The following SLC24A2 variants were observed in gnomAD, a reference collection of about 807,000 sequenced individuals.
SLC24A2 encodes solute carrier family 24 member 2.
Under a neutral mutation model 62.0 loss-of-function variants are expected in SLC24A2, and 36 were observed. The observed-to-expected ratio is 0.58, with a 90% CI of 0.44 to 0.77. The LOEUF is 0.77. SLC24A2 is among the 30% of genes least tolerant of loss of function. SLC24A2 has a pLI of 0.00. For missense variants in SLC24A2, 846 were observed against 817.9 expected (o/e 1.03, Z -0.42); for synonymous variants, 358 against 294.0 (o/e 1.22, Z -2.23).
the SLC24A2 span, among the ~76,000 whole-genome samples, chr9:20,133,164 C>G: frequency 1.3e-5 from 2 of 152,078 alleles, no homozygotes; most frequent in African/African-American, 4.8e-5. Context: ...TTACAGACCT[C>G]AGACTTGCTT....
the SLC24A2 span, among the ~76,000 whole-genome samples, chr9:19,901,850 C>T: frequency 6.7e-5 from 10 of 149,162 alleles, no homozygotes; most frequent in East Asian, 2.0e-4. Flanking sequence ...GTGGAACAGG[C>T]GGGGTGGGAG....
At chr9:19,523,943 C>T (rs574381877) in intron 9 of SLC24A2, among the ~76,000 whole-genome samples, 1 of 151,900 alleles carries the variant, frequency 6.6e-6, no homozygotes, top group Non-Finnish European at 1.5e-5. Flanking sequence ...TCTAGAAAGC[C>T]TTTTGTGGAA....
chr9:20,186,140 T>C, the SLC24A2 span, among the ~76,000 whole-genome samples: 25 of 152,090 alleles, frequency 1.6e-4, no homozygotes, highest in Non-Finnish European at 3.5e-4. Flanking sequence ...TGTGAGCACA[T>C]AGCGTAATAG....
chr9:19,764,314 T>A (rs965873122), intron 2 of SLC24A2, among the ~76,000 whole-genome samples: 1 of 152,210 alleles, frequency 6.6e-6, no homozygotes, highest in Non-Finnish European at 1.5e-5. Flanking sequence ...TTTATCTTCT[T>A]CAGTTCTGCT....
intron 2 of SLC24A2, among the ~76,000 whole-genome samples, chr9:19,780,809 C>T (rs866111704): frequency 1.7e-4 from 26 of 148,932 alleles, no homozygotes; most frequent in African/African-American, 6.2e-4. Flanking sequence ...GGAGGCGGAG[C>T]CTGCAGCGAG....
the SLC24A2 span, among the ~76,000 whole-genome samples, chr9:20,002,169 AT>A: frequency 6.6e-6 from 1 of 152,110 alleles, no homozygotes; most frequent in Non-Finnish European, 1.5e-5. Flanking sequence ...TCACCACAAG[AT>A]TTCAACATCG....
intron 2 of SLC24A2, among the ~76,000 whole-genome samples, chr9:19,769,449 T>C (rs1351631695): frequency 6.6e-6 from 1 of 152,242 alleles, no homozygotes; most frequent in Non-Finnish European, 1.5e-5. Flanking sequence ...GTCTCTAACA[T>C]GAGTCACAGT....
the SLC24A2 span, among the ~76,000 whole-genome samples, chr9:19,809,970 G>A: frequency 6.6e-6 from 1 of 152,076 alleles, no homozygotes; most frequent in Non-Finnish European, 1.5e-5. Context: ...AACAAACCCC[G>A]GGTATATACC....
chr9:20,025,885 G>T, the SLC24A2 span, among the ~76,000 whole-genome samples: 1 of 152,114 alleles, frequency 6.6e-6, no homozygotes, highest in East Asian at 1.9e-4. Flanking sequence ...GGTAGAAGAT[G>T]CATCACTGCT....
At chr9:20,083,408 G>C in the SLC24A2 span, among the ~76,000 whole-genome samples, 1 of 152,172 alleles carries the variant, frequency 6.6e-6, no homozygotes, top group Admixed American at 6.5e-5. Flanking sequence ...ACAGGGACCT[G>C]AAAAAAGGTG....
the SLC24A2 span, among the ~76,000 whole-genome samples, chr9:20,204,276 C>T: frequency 6.6e-6 from 1 of 152,172 alleles, no homozygotes; most frequent in Admixed American, 6.5e-5. Context: ...GAATCCACAG[C>T]ATTGCCACCT....
chr9:19,828,934 A>G, the SLC24A2 span, among the ~76,000 whole-genome samples: 46 of 152,232 alleles, frequency 3.0e-4, no homozygotes, highest in Middle Eastern at 6.8e-3. Context: ...TAACAAGTTC[A>G]GCAAATCTCC....
the SLC24A2 span, among the ~76,000 whole-genome samples, chr9:20,307,837 A>G: frequency 6.6e-6 from 1 of 152,082 alleles, no homozygotes. Flanking sequence ...GGAAGGAGGG[A>G]CCGCGGCTCT....
chr9:19,871,216 T>C, the SLC24A2 span, among the ~76,000 whole-genome samples: 1 of 152,186 alleles, frequency 6.6e-6, no homozygotes, highest in East Asian at 1.9e-4. Context: ...CTCCATTATT[T>C]CTGACAATAA....
chr9:19,619,549 C>T, intron 4 of SLC24A2, 35 bp downstream of exon 4: 1 of 1,521,490 alleles, frequency 6.6e-7, no homozygotes, highest in Non-Finnish European at 9.1e-7. Flanking sequence ...CCTTTTCCCC[C>T]CAAACAAGTT....
chr9:20,220,558 T>G, the SLC24A2 span, among the ~76,000 whole-genome samples: 1 of 152,126 alleles, frequency 6.6e-6, no homozygotes, highest in Non-Finnish European at 1.5e-5. Flanking sequence ...ACAACACATG[T>G]CCCAGGGAAG....
At chr9:19,644,570 C>T (rs943099264) in intron 2 of SLC24A2, among the ~76,000 whole-genome samples, 2 of 152,186 alleles carry the variant, frequency 1.3e-5, no homozygotes, top group African/African-American at 4.8e-5. Flanking sequence ...AGTCTAGATT[C>T]AAGGTCTGTG....
chr9:20,124,469 C>A, the SLC24A2 span, among the ~76,000 whole-genome samples: 34,860 of 152,008 alleles, frequency 0.23, 4,589 homozygotes, highest in East Asian at 0.58. Context: ...TTAATGAAAA[C>A]AAATTCAAGT....
At chr9:19,673,472 A>G (rs1819477852) in intron 2 of SLC24A2, among the ~76,000 whole-genome samples, 1 of 142,066 alleles carries the variant, frequency 7.0e-6, no homozygotes, top group Non-Finnish European at 1.6e-5. Flanking sequence ...TGTTTGAGAC[A>G]CAGTCTTGCT....
Sources: allele counts gnomAD v4.1 joint callset (sites outside exome capture counted in the v4.1 genomes callset), GRCh38; gene constraint gnomAD v4.1.1; transcripts MANE v1.5; gene names NCBI Gene and HGNC (gene_info 2026-07-23, HGNC 2026-07-21).